Variants in CDH13 observed in about 807,000 individuals in gnomAD.
CDH13 encodes cadherin 13, also known as cadherin-13.
CDH13 carries 24 observed loss-of-function variants against 63.8 expected under a neutral mutation model. The ratio of observed to expected loss-of-function variants is 0.38; its 90% CI spans 0.27 to 0.53. The LOEUF (loss-of-function observed/expected upper bound fraction) is 0.53. CDH13 is among the 20% of genes least tolerant of loss of function. The probability of loss-of-function intolerance (pLI) is 0.85; values close to 1 mark genes in which losing one functional copy is unlikely to be tolerated. For missense variants in CDH13, 1,049 were observed against 903.1 expected (o/e 1.16, Z -2.07); for synonymous variants, 503 against 355.3 (o/e 1.42, Z -4.67).
intron 11 of CDH13, among the ~76,000 whole-genome samples, chr16:83,763,405 T>C (rs528990185): frequency 9.5e-5 from 14 of 146,696 alleles, no homozygotes; most frequent in South Asian, 4.6e-4. Context: ...TATGCTTAGA[T>C]TGATTTTTTT....
chr16:83,368,884 T>TATATATATA (rs2091304865), intron 6 of CDH13, among the ~76,000 whole-genome samples: 1 of 47,684 alleles, frequency 2.1e-5, no homozygotes, highest in African/African-American at 4.4e-5. Context: ...GTATTCCATG[T>TATATATATA]TATATATATA....
At chr16:83,551,430 A>T (rs1223989742) in intron 7 of CDH13, among the ~76,000 whole-genome samples, 1 of 152,162 alleles carries the variant, frequency 6.6e-6, no homozygotes, top group Non-Finnish European at 1.5e-5. Flanking sequence ...AAAGTCAACA[A>T]GTGTTATTTG....
intron 1 of CDH13, among the ~76,000 whole-genome samples, chr16:82,679,387 C>G (rs1158939649): frequency 6.6e-6 from 1 of 152,198 alleles, no homozygotes; most frequent in Admixed American, 6.5e-5. Flanking sequence ...AACTGTCCAA[C>G]ATAATCTAGT....
At chr16:83,667,679 A>C (rs538255140) in intron 8 of CDH13, among the ~76,000 whole-genome samples, 3 of 152,292 alleles carry the variant, frequency 2.0e-5, no homozygotes, top group Admixed American at 2.0e-4. Context: ...TTTTTCTGAG[A>C]CAGGGTCTTG....
intron 13 of CDH13, among the ~76,000 whole-genome samples, chr16:83,788,556 G>C (rs959091065): frequency 1.3e-5 from 2 of 151,330 alleles, no homozygotes; most frequent in African/African-American, 2.4e-5. Flanking sequence ...TGAGACTCCT[G>C]ATCTACAGAT....
chr16:83,155,396 T>G (rs1409061385), intron 4 of CDH13, among the ~76,000 whole-genome samples: 1 of 152,186 alleles, frequency 6.6e-6, no homozygotes, highest in Non-Finnish European at 1.5e-5. Context: ...AGAATTAATG[T>G]CTTTTGTTTC....
chr16:82,930,037 CTCTTTT>C (rs1230464202), intron 2 of CDH13, among the ~76,000 whole-genome samples: 2 of 121,288 alleles, frequency 1.6e-5, no homozygotes, highest in Admixed American at 9.2e-5. Context: ...ATTAGTTTGT[CTCTTTT>C]TTTTTTTTTT....
intron 10 of CDH13, among the ~76,000 whole-genome samples, chr16:83,737,848 G>A (rs1399670737): frequency 6.6e-6 from 1 of 152,172 alleles, no homozygotes; most frequent in African/African-American, 2.4e-5. Context: ...GATCCACATT[G>A]GAACCACACT....
chr16:82,979,547 C>T (rs550518273), intron 2 of CDH13, among the ~76,000 whole-genome samples: 2 of 152,050 alleles, frequency 1.3e-5, no homozygotes, highest in East Asian at 1.9e-4. Flanking sequence ...AGGGCGTTTC[C>T]CCCTTTTGCT....
At chr16:83,415,329 C>T (rs984513954) in intron 6 of CDH13, among the ~76,000 whole-genome samples, 2 of 152,018 alleles carry the variant, frequency 1.3e-5, no homozygotes, top group African/African-American at 2.4e-5. Context: ...GATGTTTGGC[C>T]CACCAAACAT....
intron 5 of CDH13, among the ~76,000 whole-genome samples, chr16:83,229,064 G>A (rs1270903145): frequency 1.3e-5 from 2 of 152,118 alleles, no homozygotes; most frequent in African/African-American, 2.4e-5. Context: ...TGTGGGAGGA[G>A]GGCAGGCCAT....
chr16:83,155,536 C>G (rs756395255), intron 4 of CDH13, among the ~76,000 whole-genome samples: 5 of 152,158 alleles, frequency 3.3e-5, no homozygotes, highest in Non-Finnish European at 7.3e-5. Flanking sequence ...TCCTCCAGCT[C>G]TCCTCCTGCT....
chr16:82,731,247 C>G (rs895135992), intron 1 of CDH13, among the ~76,000 whole-genome samples: 4 of 152,104 alleles, frequency 2.6e-5, no homozygotes, highest in African/African-American at 9.7e-5. Context: ...CCCTCTGTTG[C>G]AATTACTCAA....
At chr16:83,085,114 G>A (rs1555580820) in intron 3 of CDH13, among the ~76,000 whole-genome samples, 2 of 151,960 alleles carry the variant, frequency 1.3e-5, no homozygotes, top group Non-Finnish European at 2.9e-5. Context: ...CTGAGACTGG[G>A]AAGAAAAAGA....
intron 8 of CDH13, among the ~76,000 whole-genome samples, chr16:83,619,156 T>C (rs1909570677): frequency 6.6e-6 from 1 of 152,230 alleles, no homozygotes; most frequent in African/African-American, 2.4e-5. Flanking sequence ...ATCCACCTGC[T>C]TGCCCATCAG....
At chr16:82,914,144 A>G (rs1200656390) in intron 2 of CDH13, among the ~76,000 whole-genome samples, 4 of 152,170 alleles carry the variant, frequency 2.6e-5, no homozygotes, top group Non-Finnish European at 5.9e-5. Context: ...CGATCTGACA[A>G]GGTCCTGCTA....
chr16:83,737,743 C>T (rs546689113), intron 10 of CDH13, among the ~76,000 whole-genome samples: 1 of 152,318 alleles, frequency 6.6e-6, no homozygotes, highest in Admixed American at 6.5e-5. Context: ...TTCTGATACA[C>T]ACCCAAATTG....
intron 4 of CDH13, among the ~76,000 whole-genome samples, chr16:83,188,462 G>T (rs377426875): frequency 7.7e-4 from 117 of 152,246 alleles, no homozygotes; most frequent in South Asian, 4.4e-3. Flanking sequence ...CATTCTTTTT[G>T]AGTCCTCTTG....
At chr16:83,677,607 A>G (rs938888349) in intron 9 of CDH13, among the ~76,000 whole-genome samples, 5 of 152,192 alleles carry the variant, frequency 3.3e-5, no homozygotes, top group Non-Finnish European at 5.9e-5. Flanking sequence ...CACCCAGGCT[A>G]TACTTGAAGG....
Sources: gnomAD v4.1 joint callset for allele counts (sites outside exome capture counted in the v4.1 genomes callset) on GRCh38, gnomAD v4.1.1 for gene constraint, MANE v1.5 for transcripts, NCBI Gene and HGNC (gene_info 2026-07-23, HGNC 2026-07-21) for gene names.